RYR2: variants seen among roughly 807,000 people sequenced by gnomAD.
RYR2 encodes the protein cardiac muscle ryanodine receptor-calcium release channel.
A neutral mutation model predicts 601.1 loss-of-function variants in RYR2; 227 were observed. The observed-to-expected ratio is 0.38, with a 90% CI of 0.34 to 0.42. RYR2 has a LOEUF of 0.42. Among genes scored for constraint, RYR2 ranks in the 10% least tolerant of loss-of-function variants. The pLI, the probability that RYR2 is intolerant of heterozygous loss-of-function variation, is 1.00. For synonymous variants in RYR2, 2,223 were observed against 2,175.1 expected, an observed-to-expected ratio of 1.02 and a Z score of -0.61; for missense variants, 4,646 against 6,156.5, an observed-to-expected ratio of 0.75 and a Z score of 8.21.
chr1:237,615,319 G>A (rs991834466), intron 37 of RYR2, among the ~76,000 whole-genome samples: 11 of 152,106 alleles, frequency 7.2e-5, no homozygotes, highest in African/African-American at 2.7e-4. Context: ...AGCTTCTACA[G>A]CAGCTGGGAC....
intron 80 of RYR2, among the ~76,000 whole-genome samples, chr1:237,754,433 G>A (rs1274218795): frequency 6.6e-6 from 1 of 152,110 alleles, no homozygotes; most frequent in Non-Finnish European, 1.5e-5. Context: ...TTGTTGTTTT[G>A]TTCTGTTTTT....
chr1:237,534,931 C>A (rs1668449689), intron 25 of RYR2, among the ~76,000 whole-genome samples: 1 of 151,550 alleles, frequency 6.6e-6, no homozygotes, highest in Admixed American at 6.6e-5. Context: ...TAAACCAAGC[C>A]AATTAATGTA....
intron 1 of RYR2, among the ~76,000 whole-genome samples, chr1:237,152,019 G>A (rs921066037): frequency 1.1e-4 from 17 of 151,868 alleles, no homozygotes; most frequent in African/African-American, 3.1e-4. Flanking sequence ...AGCCCCCACC[G>A]ACAGGCCCCA....
At chr1:237,230,926 T>TAAAAAAAAAA (rs1572284765) in intron 1 of RYR2, among the ~76,000 whole-genome samples, 1 of 28,144 alleles carries the variant, frequency 3.6e-5, no homozygotes, top group African/African-American at 1.3e-4. Context: ...GAGACTCGTC[T>TAAAAAAAAAA]CAAAAAAAAA....
At chr1:237,148,523 A>ATATATATAT (rs1316106371) in intron 1 of RYR2, among the ~76,000 whole-genome samples, 17 of 48,282 alleles carry the variant, frequency 3.5e-4, no homozygotes, top group South Asian at 1.1e-3. Flanking sequence ...AGTAAAAAAA[A>ATATATATAT]AAAAATATAT....
At chr1:237,258,069 G>A (rs1688162307) in intron 1 of RYR2, among the ~76,000 whole-genome samples, 1 of 151,270 alleles carries the variant, frequency 6.6e-6, no homozygotes, top group Admixed American at 6.6e-5. Flanking sequence ...TCGAGAGGCT[G>A]AGGCAGGAGA....
Position 237,043,837 on chromosome 1 carries a change from G to A in RYR2, c.48+1268G>A, listed in dbSNP as rs935850056. ...AAATCGTAGATACGGTGGAATTTTG[G>A]AATATTAACTTTTAGGTGTGAAAAT... On this transcript the variant is annotated intron_variant, in intron 1 of 104. Transcript: ENST00000366574. 2.6e-5 allele frequency among the ~76,000 whole-genome samples: 4 copies of A among 152,102 alleles called. No homozygotes were observed. The East Asian group carries it at 7.7e-4, about 29-fold the overall frequency.
At chr1:237,206,135 T>G (rs1226138414) in intron 1 of RYR2, among the ~76,000 whole-genome samples, 1 of 152,014 alleles carries the variant, frequency 6.6e-6, no homozygotes, top group Non-Finnish European at 1.5e-5. Context: ...TTCTGGACAG[T>G]GCTTTGGCTC....
chr1:237,166,759 G>T (rs1676756521), intron 1 of RYR2, among the ~76,000 whole-genome samples: 1 of 152,202 alleles, frequency 6.6e-6, no homozygotes, highest in African/African-American at 2.4e-5. Context: ...AGTGCAGAAG[G>T]TCTCATCGAG....
chr1:237,779,043 C>T (rs1347570905), intron 88 of RYR2, among the ~76,000 whole-genome samples: 1 of 152,106 alleles, frequency 6.6e-6, no homozygotes, highest in East Asian at 1.9e-4. Flanking sequence ...ATGAAACAGT[C>T]GAGTCCCCAA....
intron 1 of RYR2, among the ~76,000 whole-genome samples, chr1:237,242,693 C>G (rs957432821): frequency 3.3e-5 from 5 of 152,144 alleles, no homozygotes; most frequent in African/African-American, 1.2e-4. Flanking sequence ...CACTTCAGCA[C>G]AGGTCCCTCT....
intron 2 of RYR2, among the ~76,000 whole-genome samples, chr1:237,316,297 T>C (rs1438805026): frequency 2.6e-5 from 4 of 152,202 alleles, no homozygotes; most frequent in Admixed American, 6.5e-5. Context: ...TTACAGCATT[T>C]CTTGGCTTTC....
intron 1 of RYR2, among the ~76,000 whole-genome samples, chr1:237,044,452 G>A (rs1285544209): frequency 1.3e-5 from 2 of 152,118 alleles, no homozygotes; most frequent in Non-Finnish European, 2.9e-5. Flanking sequence ...ATGAGGTTCT[G>A]CACATATCAA....
Position 237,818,250 on chromosome 1 carries a change from C to A in RYR2, c.14434-786C>A, listed in dbSNP as rs571163828. Among the ~76,000 whole-genome samples the A allele has an allele frequency of 2.0e-5, 3 of 152,262 alleles. No individual in the cohort carries two copies. The South Asian group carries it at 6.2e-4, about 32-fold the overall frequency. On this transcript the variant is annotated intron_variant, in intron 100 of 104. Coordinates refer to ENST00000366574, the MANE Select transcript of RYR2 (RefSeq NM_001035.3). ...GGTATCTGGAGATATCTGTTATTGT[C>A]ACTATGAGGTAGGGTGCTATTGGTA...
intron 84 of RYR2, among the ~76,000 whole-genome samples, chr1:237,761,431 G>A (rs1392547471): frequency 6.6e-6 from 1 of 152,158 alleles, no homozygotes; most frequent in East Asian, 1.9e-4. Context: ...TTAGGATAGT[G>A]ATCCTTTGAG....
At chr1:237,635,350 T>C (rs1237436748) in intron 44 of RYR2, among the ~76,000 whole-genome samples, 4 of 152,184 alleles carry the variant, frequency 2.6e-5, no homozygotes, top group African/African-American at 9.7e-5. Flanking sequence ...ATCTGTATTC[T>C]TATGTGTTTT....
At chr1:237,526,598 C>T (rs1600256) in intron 24 of RYR2, among the ~76,000 whole-genome samples, 71,273 of 151,948 alleles carry the variant, frequency 0.47, 17,081 homozygotes, top group East Asian at 0.6. Flanking sequence ...CCTCCTGCCT[C>T]GGCCTCCCAA....
intron 1 of RYR2, among the ~76,000 whole-genome samples, chr1:237,196,601 T>C (rs1048664420): frequency 1.8e-4 from 28 of 152,180 alleles, no homozygotes; most frequent in African/African-American, 6.5e-4. Flanking sequence ...CTCTGACATA[T>C]ATCAAATTGT....
intron 36 of RYR2, 147 bp from the exon 37 acceptor site, chr1:237,613,892 A>G (rs1318277297): frequency 2.4e-5 from 17 of 703,630 alleles, no homozygotes; most frequent in South Asian, 1.2e-4. Flanking sequence ...GGTCCCAAGC[A>G]TTTCAGATTA....
Sources: gnomAD v4.1 joint callset for allele counts (sites outside exome capture counted in the v4.1 genomes callset) on GRCh38, gnomAD v4.1.1 for gene constraint, MANE v1.5 for transcripts, NCBI Gene and HGNC (gene_info 2026-07-23, HGNC 2026-07-21) for gene names.